HNF4A: variants seen among roughly 807,000 people sequenced by gnomAD.
HNF4A encodes hepatocyte nuclear factor 4-alpha.
In HNF4A, 15 loss-of-function variants were observed where a neutral mutation model predicts 52.4. The observed-to-expected ratio is 0.29, with a 90% CI of 0.19 to 0.44. The LOEUF (loss-of-function observed/expected upper bound fraction) is 0.44. Among genes scored for constraint, HNF4A ranks in the 20% least tolerant of loss-of-function variants. The pLI, the probability that HNF4A is intolerant of heterozygous loss-of-function variation, is 1.00. For missense variants in HNF4A, 479 were observed against 647.2 expected, an observed-to-expected ratio of 0.74 and a Z score of 2.82; for synonymous variants, 280 against 264.4, an observed-to-expected ratio of 1.06 and a Z score of -0.57.
intron 5 of HNF4A, among the ~76,000 whole-genome samples, chr20:44,415,373 T>A (rs1404766481): frequency 2.0e-5 from 3 of 152,282 alleles, no homozygotes; most frequent in Non-Finnish European, 4.4e-5. Flanking sequence ...GAACTGAGCA[T>A]CATATTTCCC....
chr20:44,423,104 G>A (rs1254801536), intron 7 of HNF4A, among the ~76,000 whole-genome samples: 7 of 152,088 alleles, frequency 4.6e-5, no homozygotes, highest in South Asian at 2.1e-4. Flanking sequence ...ATTACTTGAG[G>A]TCAGAAGTTT....
chr20:44,382,124 G>A (rs1348980667), intron 1 of HNF4A, among the ~76,000 whole-genome samples: 1 of 152,116 alleles, frequency 6.6e-6, no homozygotes, highest in Non-Finnish European at 1.5e-5. Context: ...TATTTCAAAG[G>A]CAATGGCCCT....
intron 1 of HNF4A, chr20:44,401,567 C>A (rs1486264959): frequency 1.3e-6 from 2 of 1,543,298 alleles, no homozygotes; most frequent in East Asian, 2.3e-5. Flanking sequence ...TGGCACTCAA[C>A]TTTGGGGTGG....
In HNF4A at chr20:44,390,522, G is replaced by A. The variant is rs569783548; in HGVS notation, c.50-15536G>A. 3.3e-4 allele frequency: 223 copies of A among 677,562 alleles called. 3 individuals are homozygous for A. In the South Asian group the frequency reaches 3.4e-3, roughly 10 times the overall value. The allele number at this position is 677,562 out of a possible 1,614,324, so 42.0% of individuals were successfully genotyped here. On this transcript the variant is annotated intron_variant, in intron 1 of 9. Transcript: ENST00000316673. ...AAATCTCATTGTGACCAGTATTAAG[G>A]GATTAACTCTGCCCAGCGGCCCTCG...
chr20:44,367,538 G>A (rs1427520411), intron 1 of HNF4A, among the ~76,000 whole-genome samples: 4 of 150,806 alleles, frequency 2.7e-5, no homozygotes, highest in Non-Finnish European at 4.4e-5. Flanking sequence ...CTACTCAGGA[G>A]GCTGAGACAG....
chr20:44,403,836 A>AG (rs1310620976), intron 1 of HNF4A, among the ~76,000 whole-genome samples: 1 of 152,176 alleles, frequency 6.6e-6, no homozygotes, highest in Non-Finnish European at 1.5e-5. Context: ...CTGACCTCAG[A>AG]GGGGAGATGA....
chr20:44,387,661 G>A (rs1252498010), intron 1 of HNF4A, among the ~76,000 whole-genome samples: 3 of 95,496 alleles, frequency 3.1e-5, no homozygotes, highest in East Asian at 3.1e-4. Context: ...CAGGCGGGGG[G>A]GGGGGGAGGC....
chr20:44,401,322 G>GGGGTGGGCGCCCAGGGTAGGGC lies in HNF4A; in HGVS notation c.-50_-29dup. On this transcript the variant is annotated 5_prime_UTR_variant, in exon 1 of 10. Coordinates refer to ENST00000316099, the MANE Select transcript of HNF4A (RefSeq NM_000457.6). Reference sequence around the variant, plus strand: ...GGGAGGGCGGAGGGCGGGGGCCTTCGGGGTGGGCGCCCAGGGTAGGGCAGG... The same window carrying GGGGTGGGCGCCCAGGGTAGGGC: ...GGGAGGGCGGAGGGCGGGGGCCTTCGGGGTGGGCGCCCAGGGTAGGGCGGGTGGGCGCCCAGGGTAGGGCAGG... 6.2e-7 allele frequency: 1 copy of GGGGTGGGCGCCCAGGGTAGGGC among 1,612,684 alleles called. No individual in the cohort carries two copies. The highest frequency in any genetic ancestry group is 8.5e-7 in the Non-Finnish European group (1 of 1,179,676).
intron 1 of HNF4A, among the ~76,000 whole-genome samples, chr20:44,373,677 C>T (rs983929460): frequency 1.3e-5 from 2 of 148,966 alleles, no homozygotes; most frequent in African/African-American, 2.5e-5. Flanking sequence ...TATACACACC[C>T]TTTTTTTTTT....
At chr20:44,422,272 G>T (rs989802846) in intron 7 of HNF4A, among the ~76,000 whole-genome samples, 9 of 152,154 alleles carry the variant, frequency 5.9e-5, no homozygotes, top group African/African-American at 2.2e-4. Flanking sequence ...TCAACACGAG[G>T]CTGGACTGGC....
chr20:44,402,116 C>T (rs2063417925), intron 1 of HNF4A, among the ~76,000 whole-genome samples: 1 of 151,790 alleles, frequency 6.6e-6, no homozygotes, highest in South Asian at 2.1e-4. Context: ...TTCAGGAACC[C>T]ATTTGCATAT....
intron 2 of HNF4A, among the ~76,000 whole-genome samples, chr20:44,406,733 A>G (rs2063506142): frequency 6.6e-6 from 1 of 152,240 alleles, no homozygotes; most frequent in African/African-American, 2.4e-5. Flanking sequence ...AAATCATAGC[A>G]GCTGTCAATT....
At chr20:44,392,788 C>T (rs1600683439) in intron 1 of HNF4A, among the ~76,000 whole-genome samples, 1 of 152,162 alleles carries the variant, frequency 6.6e-6, no homozygotes, top group African/African-American at 2.4e-5. Flanking sequence ...TGGCTGGAAC[C>T]AGAGCTGGGG....
intron 6 of HNF4A, 135 bp from the exon 7 acceptor site, chr20:44,419,586 T>C (rs1221709577): frequency 2.4e-6 from 2 of 824,174 alleles, no homozygotes; most frequent in African/African-American, 3.3e-5. Context: ...TCCTTACCTG[T>C]GAAATGGGAG....
upstream of HNF4A, among the ~76,000 whole-genome samples, chr20:44,398,097 C>T (rs2063369751): frequency 6.6e-6 from 1 of 152,218 alleles, no homozygotes; most frequent in Non-Finnish European, 1.5e-5. Context: ...CCAATGAAAA[C>T]ATTCTGCATT....
At chr20:44,412,854 G>A (rs2063606242) in intron 3 of HNF4A, among the ~76,000 whole-genome samples, 1 of 152,146 alleles carries the variant, frequency 6.6e-6, no homozygotes, top group Non-Finnish European at 1.5e-5. Context: ...ATGCCTACGG[G>A]TAGGGAAACT....
chr20:44,422,693 T>A (rs967008376), intron 7 of HNF4A, among the ~76,000 whole-genome samples: 42 of 147,222 alleles, frequency 2.9e-4, no homozygotes, highest in East Asian at 5.9e-4. Flanking sequence ...ATATATTTTT[T>A]AAAATATATA....
chr20:44,413,634 C>A (rs1416810652), intron 3 of HNF4A, 60 bp from the exon 4 acceptor site: 1 of 1,252,648 alleles, frequency 8.0e-7, no homozygotes, highest in East Asian at 2.4e-5. Context: ...CAGTCACAGA[C>A]ACCCCCACCC....
intron 1 of HNF4A, among the ~76,000 whole-genome samples, chr20:44,369,468 T>G (rs189089740): frequency 1.3e-5 from 2 of 151,662 alleles, no homozygotes; most frequent in East Asian, 3.9e-4. Flanking sequence ...AAATGAAAAT[T>G]TAAAAGGAAA....
Sources: allele counts gnomAD v4.1 joint callset (sites outside exome capture counted in the v4.1 genomes callset), GRCh38; gene constraint gnomAD v4.1.1; transcripts MANE v1.5; gene names NCBI Gene and HGNC (gene_info 2026-07-23, HGNC 2026-07-21).